AGBL1: variants seen among roughly 807,000 people sequenced by gnomAD.
The protein encoded by AGBL1 is AGBL carboxypeptidase 1.
In AGBL1, 130 loss-of-function variants were observed where a neutral mutation model predicts 118.9. The ratio of observed to expected loss-of-function variants is 1.09; its 90% CI spans 0.95 to 1.26. AGBL1 has a LOEUF of 1.26. AGBL1 is among the 50% of genes most tolerant of loss of function. The pLI is 0.00. For missense variants in AGBL1, 1,584 were observed against 1,298.1 expected, an observed-to-expected ratio of 1.22 and a Z score of -3.38; for synonymous variants, 555 against 478.9, an observed-to-expected ratio of 1.16 and a Z score of -2.08.
chr15:86,572,487 G>A (rs911383446), intron 21 of AGBL1, among the ~76,000 whole-genome samples: 2 of 152,170 alleles, frequency 1.3e-5, no homozygotes, highest in African/African-American at 4.8e-5. Context: ...GGCAGTTGCC[G>A]GGGTGGCAGG....
At chr15:86,917,162 A>G (rs1075464), downstream of AGBL1, among the ~76,000 whole-genome samples, 110,579 of 151,988 alleles carry the variant, frequency 0.73, 41,054 homozygotes, top group African/African-American at 0.87. The surrounding 1 kb of genome is among the most constrained non-coding windows in gnomAD (Gnocchi z 4.8). Flanking sequence ...GGGAGAAGAT[A>G]GAGAAGATGG....
intron 22 of AGBL1, among the ~76,000 whole-genome samples, chr15:86,802,549 T>C (rs1199990393): frequency 6.6e-6 from 1 of 152,178 alleles, no homozygotes; most frequent in Non-Finnish European, 1.5e-5. Flanking sequence ...TAGTCTAGCA[T>C]ATACTTAATA....
downstream of AGBL1, among the ~76,000 whole-genome samples, chr15:86,917,078 C>G (rs2080433868): frequency 6.6e-6 from 1 of 152,178 alleles, no homozygotes; most frequent in Non-Finnish European, 1.5e-5. This position sits in a 1 kb window ranked among gnomAD's most constrained non-coding sequence, Gnocchi z 4.8. Context: ...TTGTTTTCAT[C>G]CACATGGTTT....
intron 18 of AGBL1, among the ~76,000 whole-genome samples, chr15:86,477,180 G>A (rs941580964): frequency 3.9e-5 from 6 of 152,030 alleles, no homozygotes; most frequent in African/African-American, 1.4e-4. Context: ...AACTAGAGAA[G>A]CAAGAGCAAA....
At chr15:86,977,169 CAAAT>C (rs2081184219) in intron 23 of AGBL1, among the ~76,000 whole-genome samples, 1 of 151,632 alleles carries the variant, frequency 6.6e-6, no homozygotes, top group Non-Finnish European at 1.5e-5. Context: ...TTTTTTTCTC[CAAAT>C]AAATTTTCAT....
intron 21 of AGBL1, among the ~76,000 whole-genome samples, chr15:86,652,434 G>A (rs529878842): frequency 7.9e-5 from 12 of 152,102 alleles, no homozygotes; most frequent in South Asian, 2.1e-4. Flanking sequence ...ACTGGCTACC[G>A]GAGGTTTTTA....
At chr15:86,080,938 C>A (rs961458781) in intron 1 of AGBL1, among the ~76,000 whole-genome samples, 1 of 132,786 alleles carries the variant, frequency 7.5e-6, no homozygotes, top group Non-Finnish European at 1.7e-5. Context: ...CTTGTGGGGG[C>A]GGGGGGGGGT....
intron 22 of AGBL1, among the ~76,000 whole-genome samples, chr15:86,735,327 C>T (rs374316570): frequency 6.6e-6 from 1 of 151,980 alleles, no homozygotes; most frequent in African/African-American, 2.4e-5. Flanking sequence ...GTGATCCACC[C>T]ACCTCAGCCT....
At chr15:86,405,873 CCT>C (rs1253911360) in intron 18 of AGBL1, among the ~76,000 whole-genome samples, 1 of 151,860 alleles carries the variant, frequency 6.6e-6, no homozygotes, top group Admixed American at 6.6e-5. Flanking sequence ...GCAGCTACCA[CCT>C]GTAATAATGG....
chr15:86,400,629 C>T (rs540077016), intron 18 of AGBL1, among the ~76,000 whole-genome samples: 1 of 146,270 alleles, frequency 6.8e-6, no homozygotes, highest in African/African-American at 2.5e-5. Context: ...CCCCACAAGT[C>T]CCCAAAGTCC....
chr15:86,268,450 G>A (rs1246356330), intron 13 of AGBL1, among the ~76,000 whole-genome samples: 1 of 152,122 alleles, frequency 6.6e-6, no homozygotes. Flanking sequence ...TCTCCTGGTG[G>A]AACAGTTATC....
chr15:86,815,969 C>G (rs953023570), intron 22 of AGBL1, among the ~76,000 whole-genome samples: 2 of 152,132 alleles, frequency 1.3e-5, no homozygotes, highest in Non-Finnish European at 2.9e-5. Context: ...CCTGTTGAGT[C>G]TGAGGTGGTA....
intron 4 of AGBL1, among the ~76,000 whole-genome samples, chr15:86,156,747 A>T (rs2077196625): frequency 1.3e-5 from 2 of 150,480 alleles, no homozygotes; most frequent in Non-Finnish European, 3.0e-5. Context: ...CCCAAGAACT[A>T]CTAAAATGCC....
intron 22 of AGBL1, among the ~76,000 whole-genome samples, chr15:86,836,394 C>T (rs1442609705): frequency 6.6e-6 from 1 of 152,082 alleles, no homozygotes. Flanking sequence ...ATTAGCGTAC[C>T]AATTTACACT....
intron 17 of AGBL1, among the ~76,000 whole-genome samples, chr15:86,338,603 G>A (rs561559437): frequency 1.3e-5 from 2 of 152,140 alleles, no homozygotes; most frequent in Admixed American, 6.5e-5. Flanking sequence ...ACAAAGGTAG[G>A]GGGGTGGCTG....
At chr15:86,647,548 A>G (rs1274923805) in intron 21 of AGBL1, among the ~76,000 whole-genome samples, 1 of 152,120 alleles carries the variant, frequency 6.6e-6, no homozygotes, top group Non-Finnish European at 1.5e-5. Flanking sequence ...TAAAAATACA[A>G]AAATTAGCCA....
At chr15:86,646,108 C>T (rs1003508417) in intron 21 of AGBL1, among the ~76,000 whole-genome samples, 5 of 152,194 alleles carry the variant, frequency 3.3e-5, no homozygotes, top group Non-Finnish European at 7.4e-5. Context: ...TTTATTTCCC[C>T]GTCTTACATC....
Position 86,697,698 on chromosome 15 carries a change from C to T in AGBL1, c.3158+23262C>T, listed in dbSNP as rs1315354275. Reference sequence around the variant, plus strand: ...ATTACCAGAATTGTTTTTCTGGTTCCTTTTCATTTGGGTGGGCTATGTCGG... The same window carrying T: ...ATTACCAGAATTGTTTTTCTGGTTCTTTTTCATTTGGGTGGGCTATGTCGG... On this transcript the variant is annotated intron_variant, in intron 22 of 22. Coordinates refer to ENST00000614907, the MANE Select transcript of AGBL1 (RefSeq NM_001386094.1). Among the ~76,000 whole-genome samples the T allele has an allele frequency of 8.6e-5, 13 of 151,898 alleles. No homozygotes were observed. The South Asian group carries it at 1.2e-3, about 15-fold the overall frequency.
At chr15:86,897,783 T>TTG (rs2080150464) in intron 22 of AGBL1, among the ~76,000 whole-genome samples, 1 of 146,548 alleles carries the variant, frequency 6.8e-6, no homozygotes, top group South Asian at 2.2e-4. Context: ...TTTTTTTTTT[T>TTG]TTTTGAGACA....
Sources: allele counts gnomAD v4.1 joint callset (sites outside exome capture counted in the v4.1 genomes callset), GRCh38; gene constraint gnomAD v4.1.1; non-coding constraint Gnocchi (gnomAD v3.1); transcripts MANE v1.5; gene names NCBI Gene and HGNC (gene_info 2026-07-23, HGNC 2026-07-21).